PRUNE2: variants seen among roughly 807,000 people sequenced by gnomAD.
The protein encoded by PRUNE2 is prune homolog 2 with BCH domain.
PRUNE2 carries 164 observed loss-of-function variants against 252.0 expected under a neutral mutation model. The observed-to-expected ratio is 0.65, with a 90% CI of 0.57 to 0.74. The LOEUF is 0.74. PRUNE2 is among the 30% of genes least tolerant of loss of function. The probability of loss-of-function intolerance (pLI) is 0.00; values close to 1 mark genes in which losing one functional copy is unlikely to be tolerated. For synonymous variants in PRUNE2, 1,292 were observed against 1,350.2 expected (o/e 0.96, Z 0.94); for missense variants, 3,495 against 3,711.0 (o/e 0.94, Z 1.51).
intron 6 of PRUNE2, among the ~76,000 whole-genome samples, chr9:76,776,946 A>AC (rs2053864383): frequency 1.6e-4 from 23 of 142,810 alleles, no homozygotes; most frequent in Non-Finnish European, 2.9e-4. Flanking sequence ...ACACACACAC[A>AC]AAGGGCCTGG....
chr9:76,831,021 C>T (rs1266707644), intron 4 of PRUNE2, among the ~76,000 whole-genome samples: 1 of 151,796 alleles, frequency 6.6e-6, no homozygotes, highest in Non-Finnish European at 1.5e-5. Flanking sequence ...GCTCCACCTC[C>T]CGGGTTCACA....
intron 11 of PRUNE2, among the ~76,000 whole-genome samples, chr9:76,648,446 A>T (rs995717310): frequency 1.3e-5 from 2 of 152,220 alleles, no homozygotes; most frequent in African/African-American, 4.8e-5. Flanking sequence ...AATGGAAAAT[A>T]ACCTGTGACT....
At chr9:76,666,206 T>C (rs2040127117) in intron 9 of PRUNE2, among the ~76,000 whole-genome samples, 1 of 152,180 alleles carries the variant, frequency 6.6e-6, no homozygotes, top group African/African-American at 2.4e-5. Flanking sequence ...AAGCGGACCG[T>C]GGTCTAGCGG....
chr9:76,837,824 T>A (rs1012393423), intron 4 of PRUNE2, among the ~76,000 whole-genome samples: 3 of 149,758 alleles, frequency 2.0e-5, no homozygotes, highest in Non-Finnish European at 4.4e-5. Context: ...CAGGCTGGAG[T>A]GCAGTGGCGC....
At chr9:76,731,534 C>T (rs769510995) in intron 6 of PRUNE2, among the ~76,000 whole-genome samples, 1 of 151,924 alleles carries the variant, frequency 6.6e-6, no homozygotes, top group African/African-American at 2.4e-5. Flanking sequence ...CATTATGTTG[C>T]CCAGGCTGGT....
chr9:76,751,269 C>CAG (rs746864192), intron 6 of PRUNE2, among the ~76,000 whole-genome samples: 114 of 151,362 alleles, frequency 7.5e-4, no homozygotes, highest in Non-Finnish European at 1.2e-3. Flanking sequence ...CACACACACA[C>CAG]ACAGACACAC....
At chr9:76,652,863 A>G (rs1053240870) in intron 10 of PRUNE2, among the ~76,000 whole-genome samples, 180 bp from the exon 11 acceptor site, 9 of 152,212 alleles carry the variant, frequency 5.9e-5, no homozygotes, top group African/African-American at 2.2e-4. Context: ...ATGTTCAGCC[A>G]GTAAGTATAA....
chr9:76,841,835 C>G (rs1358565960), intron 4 of PRUNE2, among the ~76,000 whole-genome samples: 3 of 152,154 alleles, frequency 2.0e-5, no homozygotes, highest in African/African-American at 7.2e-5. Context: ...CTCCCTGGGA[C>G]AGAGCACTTG....
chr9:76,796,189 C>A (rs1234330623), intron 6 of PRUNE2, among the ~76,000 whole-genome samples: 2 of 152,198 alleles, frequency 1.3e-5, no homozygotes, highest in Non-Finnish European at 2.9e-5. Flanking sequence ...CTATTAGCAA[C>A]CTAAGATCCA....
chr9:76,840,581 A>T (rs1266960879), intron 4 of PRUNE2, among the ~76,000 whole-genome samples: 1 of 152,236 alleles, frequency 6.6e-6, no homozygotes, highest in African/African-American at 2.4e-5. Context: ...CTCAGCCATA[A>T]ATATCTAGTC....
chr9:76,667,072 C>A (rs1457495425), intron 9 of PRUNE2, among the ~76,000 whole-genome samples: 3 of 152,112 alleles, frequency 2.0e-5, no homozygotes, highest in Admixed American at 1.3e-4. Flanking sequence ...TCTCTTCCAA[C>A]AAATTCCTTT....
intron 1 of PRUNE2, among the ~76,000 whole-genome samples, chr9:76,860,504 AT>A (rs1422218437): frequency 6.6e-6 from 1 of 152,186 alleles, no homozygotes; most frequent in African/African-American, 2.4e-5. Flanking sequence ...CAGTTGGCAG[AT>A]TTCCGTTACT....
chr9:76,868,318 G>GT (rs1186167979), intron 1 of PRUNE2, among the ~76,000 whole-genome samples: 8 of 152,118 alleles, frequency 5.3e-5, no homozygotes, highest in African/African-American at 1.9e-4. Context: ...TTCCAAACAC[G>GT]TTTCCAAGCC....
intron 6 of PRUNE2, among the ~76,000 whole-genome samples, chr9:76,765,474 G>A (rs1376397221): frequency 6.6e-6 from 1 of 152,196 alleles, no homozygotes; most frequent in Non-Finnish European, 1.5e-5. Context: ...CTGAGGTAAG[G>A]AAGGCATACA....
chr9:76,693,668 T>A (rs139560687), intron 9 of PRUNE2, among the ~76,000 whole-genome samples: 2,084 of 152,098 alleles, frequency 0.014, 42 homozygotes, highest in African/African-American at 0.047. Context: ...GGTCTTGAAC[T>A]CCTGACCTCG....
Position 76,703,376 on chromosome 9 carries a change from T to G in PRUNE2, c.8237A>C (p.Glu2746Ala). The G allele has an allele frequency of 6.2e-7, 1 of 1,608,676 alleles. No individual in the cohort carries two copies. Among genetic ancestry groups the G allele is most frequent in the Non-Finnish European group, 8.5e-7 (1 of 1,177,012 alleles). The stretch of plus-strand genomic sequence containing the variant: ...TATCCTGGTTCCGAGCTCAAGGAAC[T>G]CTGTCTCCTCCTCCATTTCCGTGTC... ...IPDTEMEEETEFLELGTRISR... is the reference protein window; with the variant it reads ...IPDTEMEEETAFLELGTRISR... The change falls in exon 9 of 19, where the codon GAG (glutamate) becomes GCG (alanine). Residue 2746 changes from glutamate (E) to alanine (A), a missense_variant. Coordinates refer to ENST00000376718, the MANE Select transcript of PRUNE2 (RefSeq NM_015225.3).
At chr9:76,625,397 G>A (rs533654988) in intron 16 of PRUNE2, among the ~76,000 whole-genome samples, 11 of 152,266 alleles carry the variant, frequency 7.2e-5, no homozygotes, top group African/African-American at 2.6e-4. Flanking sequence ...TGGTGTAGTG[G>A]TCTCTACCAT....
chr9:76,837,359 T>G (rs949711909), intron 4 of PRUNE2, among the ~76,000 whole-genome samples: 2 of 151,870 alleles, frequency 1.3e-5, no homozygotes, highest in Non-Finnish European at 2.9e-5. Flanking sequence ...GGAGAATTGC[T>G]TGAACCCGGG....
At chr9:76,872,082 C>T (rs1173127798) in intron 1 of PRUNE2, among the ~76,000 whole-genome samples, 1 of 152,150 alleles carries the variant, frequency 6.6e-6, no homozygotes, top group South Asian at 2.1e-4. Context: ...CCATGCCAAA[C>T]CCACAAGAGT....
Sources: allele counts gnomAD v4.1 joint callset (sites outside exome capture counted in the v4.1 genomes callset), GRCh38; gene constraint gnomAD v4.1.1; transcripts MANE v1.5; gene names NCBI Gene and HGNC (gene_info 2026-07-23, HGNC 2026-07-21).